Variants in FRY observed in about 807,000 individuals in gnomAD.
The protein encoded by FRY is FRY microtubule binding protein.
In FRY, 128 loss-of-function variants were observed where a neutral mutation model predicts 348.4. The ratio of observed to expected loss-of-function variants is 0.37; its 90% CI spans 0.32 to 0.43. The LOEUF (loss-of-function observed/expected upper bound fraction) is 0.43. Among genes scored for constraint, FRY ranks in the 20% least tolerant of loss-of-function variants. The probability of loss-of-function intolerance (pLI) is 1.00; values close to 1 mark genes in which losing one functional copy is unlikely to be tolerated. For missense variants in FRY, 2,736 were observed against 3,695.2 expected (o/e 0.74, Z 6.73); for synonymous variants, 1,370 against 1,374.7 (o/e 1.00, Z 0.08).
At chr13:32,111,474 C>G (rs1031744758) in intron 3 of FRY, among the ~76,000 whole-genome samples, 2 of 151,814 alleles carry the variant, frequency 1.3e-5, no homozygotes, top group African/African-American at 4.8e-5. Flanking sequence ...CCAGTCTGGG[C>G]AACAGAGTGA....
intron 55 of FRY, among the ~76,000 whole-genome samples, chr13:32,268,501 AAAAAATATATATATATATATAT>A (rs1392198475): frequency 5.9e-5 from 1 of 17,082 alleles, no homozygotes; most frequent in Non-Finnish European, 1.5e-4. Flanking sequence ...AAAAAAAAAA[AAAAAATATATATATATATATAT>A]ATATATATAT....
chr13:32,075,665 CA>C (rs1875001589), intron 1 of FRY, among the ~76,000 whole-genome samples: 1 of 152,160 alleles, frequency 6.6e-6, no homozygotes, highest in Non-Finnish European at 1.5e-5. Flanking sequence ...CCAAATAACT[CA>C]AGTATTGAAA....
intron 1 of FRY, among the ~76,000 whole-genome samples, chr13:32,038,221 A>C (rs1399282887): frequency 6.6e-6 from 1 of 152,220 alleles, no homozygotes; most frequent in Non-Finnish European, 1.5e-5. Context: ...GATCAGATTT[A>C]AATGAACAAA....
chr13:32,261,534 C>A, intron 51 of FRY, 82 bp from the exon 52 acceptor site: 1 of 1,164,586 alleles, frequency 8.6e-7, no homozygotes, highest in South Asian at 1.2e-5. Flanking sequence ...TATTTGTTCC[C>A]AAGCTATGAC....
intron 23 of FRY, 72 bp from the exon 24 acceptor site, chr13:32,182,905 G>C (rs1882798400): frequency 2.2e-6 from 2 of 908,344 alleles, no homozygotes; most frequent in Non-Finnish European, 3.7e-6. Flanking sequence ...GGATTAAATG[G>C]ATATAGAGTA....
intron 43 of FRY, among the ~76,000 whole-genome samples, 175 bp downstream of exon 43, chr13:32,236,347 AACACACAC>A (rs10617897): frequency 4.0e-5 from 6 of 151,226 alleles, no homozygotes; most frequent in African/African-American, 7.3e-5. Context: ...AATACACACA[AACACACAC>A]ACACACACAC....
intron 4 of FRY, among the ~76,000 whole-genome samples, chr13:32,121,181 G>A (rs60498415): frequency 0.08 from 12,187 of 152,216 alleles, 520 homozygotes; most frequent in African/African-American, 0.13. Flanking sequence ...ATTGATGGGC[G>A]TTTAGGTTGG....
chr13:32,286,403 G>C (rs1165554579), intron 58 of FRY, among the ~76,000 whole-genome samples: 2 of 151,984 alleles, frequency 1.3e-5, no homozygotes, highest in African/African-American at 4.8e-5. Context: ...ATCTCTTTCT[G>C]CATACCCAAA....
rs746114088 is a variant in FRY at position 32,175,535 on chromosome 13, C to T, written c.2335-11C>T. 2 of 1,569,484 alleles carry T rather than the reference C, an allele frequency of 1.3e-6. No homozygotes were observed. The highest frequency in any genetic ancestry group is 1.8e-6 in the Non-Finnish European group (2 of 1,139,366). On this transcript the variant is annotated splice_polypyrimidine_tract_variant and intron_variant, in intron 19 of 60. Transcript: ENST00000542859. ...TTTCCCATAGAGAGTAATCGCCTCCCCTTTGTACAGGATGACGACAGGCCG... is the reference window on the plus strand; with the variant it reads ...TTTCCCATAGAGAGTAATCGCCTCCTCTTTGTACAGGATGACGACAGGCCG...
intron 2 of FRY, among the ~76,000 whole-genome samples, chr13:32,092,885 GT>G (rs1235355489): frequency 4.6e-5 from 7 of 152,176 alleles, no homozygotes; most frequent in Non-Finnish European, 2.9e-5. Flanking sequence ...ATTAGAATAA[GT>G]TTTGAGAGTA....
At position 32,228,590 on chromosome 13, in the gene FRY, G is replaced by T; in HGVS notation, c.5341G>T (p.Asp1781Tyr). 1 of 1,614,134 alleles carries T rather than the reference G, an allele frequency of 6.2e-7. No individual in the cohort carries two copies. Among genetic ancestry groups the T allele is most frequent in the Non-Finnish European group, 8.5e-7 (1 of 1,179,980 alleles). ...CCCACAGATGACCCAGGAGGTAGAA[G>T]ATGTGGACACAGCTGCTGAAACAGA... ...NLPQMTQEVE[D>Y]VDTAAETDEK... Residue 1781 changes from aspartate to tyrosine, a missense_variant, in exon 40 of 61, where the codon GAT (aspartate) becomes TAT (tyrosine). Physicochemically the swap from Asp to Tyr is radical, Grantham distance 160. Transcript: ENST00000542859.
chr13:32,052,721 T>A (rs379693), intron 1 of FRY, among the ~76,000 whole-genome samples: 40,753 of 152,176 alleles, frequency 0.27, 6,942 homozygotes, highest in Admixed American at 0.37. Context: ...AGTACTTTCA[T>A]ATATGCAGAT....
intron 17 of FRY, among the ~76,000 whole-genome samples, chr13:32,169,111 G>T (rs907336083): frequency 1.3e-5 from 2 of 152,124 alleles, no homozygotes; most frequent in Admixed American, 6.6e-5. Context: ...AACACCTCCA[G>T]GCTACTGAGT....
At chr13:32,275,330 G>A (rs1257349453) in intron 56 of FRY, among the ~76,000 whole-genome samples, 1 of 151,832 alleles carries the variant, frequency 6.6e-6, no homozygotes, top group Non-Finnish European at 1.5e-5. Context: ...AGAGCTTGCA[G>A]TGAGCCGAGA....
rs1265436572 is a variant in FRY, at chr13:32,296,499, G to A, written c.*1039G>A. On this transcript the variant is annotated 3_prime_UTR_variant, in exon 61 of 61. Transcript: ENST00000542859. ...TTAGATGTGTGCATGTGAACTTGTTGCACTGCAGAAACATATTCAGAGTTT... is the reference window on the plus strand; with the variant it reads ...TTAGATGTGTGCATGTGAACTTGTTACACTGCAGAAACATATTCAGAGTTT... The A allele has an allele frequency of 6.6e-6, 1 of 152,220 alleles. No homozygotes were observed. Among genetic ancestry groups the A allele is most frequent in the Non-Finnish European group, 1.5e-5 (1 of 68,000 alleles). The allele number at this position is 152,220 out of a possible 1,614,324, so 9.4% of individuals were successfully genotyped here.
At chr13:32,106,888 TC>T (rs561462681) in intron 3 of FRY, among the ~76,000 whole-genome samples, 86 of 152,356 alleles carry the variant, frequency 5.6e-4, no homozygotes, top group Middle Eastern at 3.4e-3. Flanking sequence ...CCTCTTTCTT[TC>T]CCACTGTGGG....
chr13:32,239,364 TC>T lies in FRY; in HGVS notation c.6516+17del. 1 of 1,485,504 alleles carries T rather than the reference TC, an allele frequency of 6.7e-7. No homozygotes were observed. Among genetic ancestry groups the T allele is most frequent in the Non-Finnish European group, 9.4e-7 (1 of 1,062,586 alleles). 92.0% of individuals were successfully genotyped at this position (1,485,504 alleles called of 1,614,324 possible). ...GGATTGCTCAGGTATGAGTTACAGT[TC>T]CACACTCAGGCAGATCCATAGAGGC... On this transcript the variant is annotated intron_variant, in intron 45 of 60. Transcript: ENST00000542859. This position sits in a 1 kb window ranked among gnomAD's most constrained non-coding sequence, Gnocchi z 4.3.
At chr13:32,267,098 G>T in intron 54 of FRY, 72 bp from the exon 55 acceptor site, 1 of 1,398,516 alleles carries the variant, frequency 7.2e-7, no homozygotes, top group South Asian at 1.2e-5. Context: ...CTCTCAGGGT[G>T]AGAATTTATA....
Position 32,212,399 on chromosome 13 carries a change from G to C in FRY, c.4682+17G>C. ...TGATGAAAGGTTGGTACACAAATTT[G>C]ACTTAATATCCAGTGTAATGTTCTG... On this transcript the variant is annotated intron_variant, in intron 35 of 60. Transcript: ENST00000542859. The C allele has an allele frequency of 7.1e-7, 1 of 1,415,834 alleles. No homozygotes were observed. The highest frequency in any genetic ancestry group is 1.7e-5 in the Admixed American group (1 of 58,428). The allele number at this position is 1,415,834 out of a possible 1,614,324, so 87.7% of individuals were successfully genotyped here. A position where few individuals can be genotyped will look rare whatever the true frequency, so the allele number is the denominator to read the frequency against.
Sources: allele counts gnomAD v4.1 joint callset (sites outside exome capture counted in the v4.1 genomes callset), GRCh38; gene constraint gnomAD v4.1.1; non-coding constraint Gnocchi (gnomAD v3.1); transcripts MANE v1.5; gene names NCBI Gene and HGNC (gene_info 2026-07-23, HGNC 2026-07-21).